The following GPC6 variants were observed in gnomAD, a reference collection of about 807,000 sequenced individuals.
GPC6 encodes the protein glypican 6.
Under a neutral mutation model 55.2 loss-of-function variants are expected in GPC6, and 14 were observed. The observed-to-expected ratio is 0.25, with a 90% CI of 0.17 to 0.40. GPC6 has a LOEUF of 0.40. Among genes scored for constraint, GPC6 ranks in the 10% least tolerant of loss-of-function variants. The pLI is 1.00. For synonymous variants in GPC6, 278 were observed against 259.6 expected, an observed-to-expected ratio of 1.07 and a Z score of -0.68; for missense variants, 641 against 708.5, an observed-to-expected ratio of 0.90 and a Z score of 1.08.
chr13:94,239,709 G>A (rs1890995017), intron 4 of GPC6, among the ~76,000 whole-genome samples: 1 of 152,078 alleles, frequency 6.6e-6, no homozygotes, highest in South Asian at 2.1e-4. Flanking sequence ...CTCCAAGTTA[G>A]GAAAGGCCAA....
intron 1 of GPC6, among the ~76,000 whole-genome samples, chr13:93,330,620 T>G (rs1879810598): frequency 6.6e-6 from 1 of 152,116 alleles, no homozygotes; most frequent in Admixed American, 6.5e-5. Context: ...AAGACATACT[T>G]GGTCTTATTT....
intron 6 of GPC6, among the ~76,000 whole-genome samples, chr13:94,334,501 C>T (rs181790177): frequency 4.5e-4 from 69 of 152,358 alleles, no homozygotes; most frequent in South Asian, 1.2e-3. Flanking sequence ...TGGAGGACCA[C>T]TGTCCTAGAT....
intron 3 of GPC6, among the ~76,000 whole-genome samples, chr13:94,018,033 T>C (rs1268014865): frequency 6.6e-6 from 1 of 152,170 alleles, no homozygotes; most frequent in African/African-American, 2.4e-5. Context: ...CTTATATCAT[T>C]GAATATGATG....
At chr13:94,298,354 T>C (rs552767322) in intron 5 of GPC6, among the ~76,000 whole-genome samples, 11 of 152,364 alleles carry the variant, frequency 7.2e-5, no homozygotes, top group African/African-American at 2.6e-4. Context: ...AGTCACCACT[T>C]CCACTTTGAG....
chr13:93,463,312 C>A (rs1878772552), intron 1 of GPC6, among the ~76,000 whole-genome samples: 1 of 152,168 alleles, frequency 6.6e-6, no homozygotes, highest in South Asian at 2.1e-4. Context: ...ATCTAAAGAT[C>A]TGTGTTTCAT....
At chr13:93,597,216 A>C (rs926637824) in intron 2 of GPC6, among the ~76,000 whole-genome samples, 6 of 152,078 alleles carry the variant, frequency 3.9e-5, no homozygotes, top group Non-Finnish European at 7.4e-5. Flanking sequence ...AATCCAGAAT[A>C]ATGTTGGATC....
chr13:93,855,811 G>A (rs1168189672), intron 3 of GPC6, among the ~76,000 whole-genome samples: 1 of 151,532 alleles, frequency 6.6e-6, no homozygotes, highest in Non-Finnish European at 1.5e-5. Flanking sequence ...CCATTTGTTT[G>A]CTTATTTGCC....
At chr13:93,742,862 A>G (rs1488579197) in intron 2 of GPC6, among the ~76,000 whole-genome samples, 2 of 152,116 alleles carry the variant, frequency 1.3e-5, no homozygotes, top group Non-Finnish European at 2.9e-5. Flanking sequence ...TGGGTTTCCA[A>G]CATTCCCGTC....
intron 3 of GPC6, among the ~76,000 whole-genome samples, chr13:93,873,408 C>T (rs1889190851): frequency 6.6e-6 from 1 of 151,872 alleles, no homozygotes; most frequent in Non-Finnish European, 1.5e-5. Flanking sequence ...GAGGTCTGTC[C>T]TGACTTTGGT....
At chr13:93,526,717 A>G (rs573651590) in intron 1 of GPC6, among the ~76,000 whole-genome samples, 112 of 152,226 alleles carry the variant, frequency 7.4e-4, no homozygotes, top group African/African-American at 2.3e-3. Flanking sequence ...TAGCCCTTGC[A>G]TTAAAAAGTC....
chr13:93,678,307 A>G (rs566699142), intron 2 of GPC6, among the ~76,000 whole-genome samples: 1 of 152,292 alleles, frequency 6.6e-6, no homozygotes, highest in South Asian at 2.1e-4. Context: ...TTCCATAGAT[A>G]TAGCATAGTC....
At chr13:94,330,323 A>G (rs924656274) in intron 6 of GPC6, among the ~76,000 whole-genome samples, 2 of 152,188 alleles carry the variant, frequency 1.3e-5, no homozygotes, top group African/African-American at 4.8e-5. Flanking sequence ...CGAGTCAGTT[A>G]ATTTCTCTGA....
At chr13:93,470,793 CT>C (rs1057071483) in intron 1 of GPC6, among the ~76,000 whole-genome samples, 18 of 150,986 alleles carry the variant, frequency 1.2e-4, no homozygotes, top group African/African-American at 3.9e-4. Context: ...TCAAAATTTC[CT>C]TTTTTTTCAA....
At chr13:94,135,047 C>G (rs1887133739) in intron 4 of GPC6, among the ~76,000 whole-genome samples, 1 of 152,176 alleles carries the variant, frequency 6.6e-6, no homozygotes, top group African/African-American at 2.4e-5. Flanking sequence ...TAAAATCTAA[C>G]AGTGTTTTCT....
chr13:94,100,158 AG>A (rs1416012312), intron 4 of GPC6, among the ~76,000 whole-genome samples: 1 of 152,250 alleles, frequency 6.6e-6, no homozygotes, highest in East Asian at 1.9e-4. Context: ...CCATATTTAC[AG>A]ATGAAGACAA....
chr13:93,703,797 T>C (rs759017390), intron 2 of GPC6, among the ~76,000 whole-genome samples: 2 of 151,994 alleles, frequency 1.3e-5, no homozygotes, highest in South Asian at 2.1e-4. Flanking sequence ...TGTGATTTTA[T>C]AGAACAGATG....
chr13:93,795,709 C>T (rs779567423), intron 2 of GPC6, among the ~76,000 whole-genome samples: 2 of 152,134 alleles, frequency 1.3e-5, no homozygotes, highest in Non-Finnish European at 2.9e-5. Flanking sequence ...TTTCAAATAT[C>T]TAGTTCACAT....
At chr13:93,484,695 C>CT (rs1369822439) in intron 1 of GPC6, among the ~76,000 whole-genome samples, 1 of 151,852 alleles carries the variant, frequency 6.6e-6, no homozygotes. Context: ...TTCTTGTAGT[C>CT]TATTAAATTG....
At chr13:93,424,607 T>TATC (rs144005214) in intron 1 of GPC6, among the ~76,000 whole-genome samples, 403 of 151,646 alleles carry the variant, frequency 2.7e-3, no homozygotes, top group Non-Finnish European at 4.5e-3. Flanking sequence ...AAATACATGG[T>TATC]ATCATCATCA....
Sources: gnomAD v4.1 joint callset for allele counts (sites outside exome capture counted in the v4.1 genomes callset) on GRCh38, gnomAD v4.1.1 for gene constraint, MANE v1.5 for transcripts, NCBI Gene and HGNC (gene_info 2026-07-23, HGNC 2026-07-21) for gene names.